DENND3: variants seen among roughly 807,000 people sequenced by gnomAD.
DENND3 encodes the protein DENN domain-containing protein 3.
Under a neutral mutation model 135.1 loss-of-function variants are expected in DENND3, and 88 were observed. The observed-to-expected ratio is 0.65, with a 90% confidence interval of 0.55 to 0.78. The LOEUF (loss-of-function observed/expected upper bound fraction) is 0.78. Ranked by LOEUF, DENND3 falls within the 30% of genes least tolerant of loss-of-function variation. The pLI is 0.00. For synonymous variants in DENND3, 693 were observed against 712.3 expected (o/e 0.97, Z 0.43); for missense variants, 1,392 against 1,688.4 (o/e 0.82, Z 3.08).
At chr8:141,189,195 G>A in intron 19 of DENND3, 49 bp downstream of exon 19, 2 of 1,612,252 alleles carry the variant, frequency 1.2e-6, no homozygotes, top group East Asian at 2.2e-5. Flanking sequence ...TTGTGGGTGG[G>A]CAGAAGGCAC....
In DENND3 at chr8:141,168,078, G is replaced by A. The variant is rs778334141; in HGVS notation, c.1828G>A (p.Val610Met). Residue 610 changes from valine to methionine, a missense_variant, in exon 13 of 23, where the codon GTG becomes ATG. Physicochemically the swap from Val to Met is conservative, Grantham distance 21 (BLOSUM62 1). Coordinates refer to ENST00000519811, the MANE Select transcript of DENND3 (RefSeq NM_001352890.3). The surrounding 1 kb of genome is among the most constrained non-coding windows in gnomAD (Gnocchi z 6.2). Reference protein sequence around the residue: ...EIHFPLESKCVQAYHAHFVSM... With the variant: ...EIHFPLESKCMQAYHAHFVSM... ...CCACTTTCCGCTGGAGAGCAAGTGC[G>A]TGCAGGCATACCATGCCCACTTTGT... 8.7e-6 allele frequency: 14 copies of A among 1,614,134 alleles called. No homozygotes were observed. Among genetic ancestry groups the A allele is most frequent in the East Asian group, 2.2e-5 (1 of 44,884 alleles).
At chr8:141,179,186 G>A (rs1327834448) in intron 16 of DENND3, among the ~76,000 whole-genome samples, 1 of 152,212 alleles carries the variant, frequency 6.6e-6, no homozygotes, top group Non-Finnish European at 1.5e-5. Flanking sequence ...GACCCAGAGG[G>A]ACCTTGAGCT....
In DENND3 at chr8:141,136,566, T is replaced by C; in HGVS notation, c.160T>C (p.Ser54Pro). ...LSALLDPEVL[S>P]IFVPPFISKE... is the part of the protein sequence containing the mutation. ...TGCTCTTCTTGATCCAGAGGTCCTG[T>C]CCATTTTCGTGCCTCCTTTTATCAG... The change falls in exon 2 of 23, where the codon TCC (serine) becomes CCC (proline). Residue 54 changes from serine to proline, a missense_variant. By Grantham distance (74) the Ser-to-Pro change is moderately conservative (BLOSUM62 -1). Transcript: ENST00000519811. The C allele has an allele frequency of 6.4e-7, 1 of 1,565,848 alleles. No individual in the cohort carries two copies. The highest frequency in any genetic ancestry group is 8.7e-7 in the Non-Finnish European group (1 of 1,154,904).
rs1823244584 is a variant in DENND3 at position 141,182,297 on chromosome 8, A to G, written c.2944+1443A>G. The G allele has an allele frequency of 1.0e-6, 1 of 985,120 alleles. No homozygotes were observed. The highest frequency in any genetic ancestry group is 1.7e-5 in the African/African-American group (1 of 57,262). The allele number at this position is 985,120 out of a possible 1,614,324, so 61.0% of individuals were successfully genotyped here. ...GTGTGTGAAGCGATTTCCCCATAAG[A>G]GAGTTTTTCTCTCTTCATGGCAGGC... On this transcript the variant is annotated intron_variant, in intron 17 of 22. Transcript: ENST00000519811. This position sits in a 1 kb window ranked among gnomAD's most constrained non-coding sequence, Gnocchi z 5.9.
intron 5 of DENND3, among the ~76,000 whole-genome samples, chr8:141,145,839 ATATATATATATG>A (rs1218452228): frequency 3.4e-5 from 1 of 29,702 alleles, no homozygotes; most frequent in Non-Finnish European, 5.4e-5. Context: ...ATATATATAT[ATATATATATATG>A]TATTTTTTTT....
rs376229948 is a variant in DENND3 at position 141,144,119 on chromosome 8, C to A, written c.624-29C>A. On this transcript the variant is annotated intron_variant, in intron 4 of 22. Coordinates refer to ENST00000519811, the MANE Select transcript of DENND3 (RefSeq NM_001352890.3). The surrounding 1 kb of genome is among the most constrained non-coding windows in gnomAD (Gnocchi z 4.4). Reference sequence around the variant, plus strand: ...CAACTGCGTTCTCATCTTTATTTTGCGGTTTGAGTTTTGTGTTTCGAATTT... The same window carrying A: ...CAACTGCGTTCTCATCTTTATTTTGAGGTTTGAGTTTTGTGTTTCGAATTT... 3.8e-6 allele frequency: 6 copies of A among 1,564,008 alleles called. No individual in the cohort carries two copies. The South Asian group carries it at 6.8e-5, about 18-fold the overall frequency.
chr8:141,175,438 T>A lies in DENND3; in HGVS notation c.2514T>A (p.Ile838=). 1 of 1,614,124 alleles carries A rather than the reference T, an allele frequency of 6.2e-7. No homozygotes were observed. The highest frequency in any genetic ancestry group is 1.1e-5 in the South Asian group (1 of 91,080). The change falls in exon 14 of 23, where the codon ATT becomes ATA. Residue 838 remains isoleucine (I), a synonymous_variant. Coordinates refer to ENST00000519811, the MANE Select transcript of DENND3 (RefSeq NM_001352890.3). This position sits in a 1 kb window ranked among gnomAD's most constrained non-coding sequence, Gnocchi z 5.4. ...AAGGAAGGCCAGGCTACTTGGAGATTTCCACCTTCAGAAATATAGAGGTAA... is the reference window on the plus strand; with the variant it reads ...AAGGAAGGCCAGGCTACTTGGAGATATCCACCTTCAGAAATATAGAGGTAA... ...LTEGRPGYLE[I]STFRNIEEVR...
At chr8:141,134,684 A>C (rs1816561401) in intron 1 of DENND3, among the ~76,000 whole-genome samples, 1 of 152,232 alleles carries the variant, frequency 6.6e-6, no homozygotes, top group Non-Finnish European at 1.5e-5. Flanking sequence ...TATAGAGATC[A>C]GAGTGTGCTT....
chr8:141,164,439 C>A (rs1314356202), intron 10 of DENND3, among the ~76,000 whole-genome samples: 3 of 152,176 alleles, frequency 2.0e-5, no homozygotes, highest in Non-Finnish European at 4.4e-5. Context: ...AACAGCCTTT[C>A]TCTAGGGTTG....
intron 20 of DENND3, 78 bp downstream of exon 20, chr8:141,190,495 G>C: frequency 2.7e-6 from 4 of 1,469,422 alleles, no homozygotes; most frequent in Non-Finnish European, 3.6e-6. Flanking sequence ...AGAGCAGAAA[G>C]CCTCTTTCCT....
chr8:141,158,241 A>T, intron 8 of DENND3: 2 of 1,289,474 alleles, frequency 1.6e-6, no homozygotes, highest in Non-Finnish European at 2.0e-6. Context: ...CTCTGCGCGA[A>T]CTTTGAAGGA....
intron 1 of DENND3, among the ~76,000 whole-genome samples, chr8:141,132,117 A>G (rs1816188060): frequency 6.6e-6 from 1 of 152,200 alleles, no homozygotes; most frequent in South Asian, 2.1e-4. Context: ...TGATATTGTG[A>G]TACTGTACGG....
chr8:141,190,426 G>T lies in DENND3; in HGVS notation c.3379+9G>T. 2 of 1,602,742 alleles carry T rather than the reference G, an allele frequency of 1.2e-6. No homozygotes were observed. The highest frequency in any genetic ancestry group is 1.7e-6 in the Non-Finnish European group (2 of 1,175,604). On this transcript the variant is annotated intron_variant, in intron 20 of 22. Coordinates refer to ENST00000519811, the MANE Select transcript of DENND3 (RefSeq NM_001352890.3). ...CGGCCGCCTGTGGTGCTGTAAGTCCGGCCCCTGCCATCAGAGCGGGCACCC... is the reference window on the plus strand; with the variant it reads ...CGGCCGCCTGTGGTGCTGTAAGTCCTGCCCCTGCCATCAGAGCGGGCACCC...
At position 141,175,275 on chromosome 8, in the gene DENND3, A is replaced by G. The variant is rs776232874; in HGVS notation, c.2351A>G (p.Gln784Arg). The stretch of plus-strand genomic sequence containing the variant: ...TGGAAGGAGACGGAAGCAGAAGCCC[A>G]GGAGGTCAGTCTGCCGTGGCTGGTG... Reference protein sequence around the residue: ...NCWKETEAEAQEVSLPWLVME... With the variant: ...NCWKETEAEAREVSLPWLVME... The change falls in exon 14 of 23, where the codon CAG (glutamine) becomes CGG (arginine). Residue 784 changes from glutamine to arginine, a missense_variant. By Grantham distance (43) the Gln-to-Arg change is conservative (BLOSUM62 1). Coordinates refer to ENST00000519811, the MANE Select transcript of DENND3 (RefSeq NM_001352890.3). The surrounding 1 kb of genome is among the most constrained non-coding windows in gnomAD (Gnocchi z 5.4). 2.4e-5 allele frequency: 38 copies of G among 1,614,130 alleles called. No individual in the cohort carries two copies. Among genetic ancestry groups the G allele is most frequent in the Non-Finnish European group, 3.2e-5 (38 of 1,180,048 alleles).
rs759256560 is a variant in DENND3 at position 141,138,859 on chromosome 8, G to C, written c.501+722G>C. 6.6e-6 allele frequency among the ~76,000 whole-genome samples: 1 copy of C among 152,200 alleles called. No homozygotes were observed. Among genetic ancestry groups the C allele is most frequent in the Non-Finnish European group, 1.5e-5 (1 of 68,042 alleles). ...CTTTTATGGCGAGTGACATTCCATC[G>C]TTTGGATGGACCACATTTTATTTCT... On this transcript the variant is annotated intron_variant, in intron 3 of 22. Coordinates refer to ENST00000519811, the MANE Select transcript of DENND3 (RefSeq NM_001352890.3). The surrounding 1 kb of genome is among the most constrained non-coding windows in gnomAD (Gnocchi z 4.8).
At position 141,130,803 on chromosome 8, in the gene DENND3, C is replaced by T. The variant is rs1815974664; in HGVS notation, c.102+1994C>T. ...CTGAGTTCAAGCAATTCTCCTGCCT[C>T]AGCCTCCTAAGTAGCTGGGATTACA... is the stretch of plus-strand genomic sequence containing the variant. On this transcript the variant is annotated intron_variant, in intron 1 of 22. Coordinates refer to ENST00000519811, the MANE Select transcript of DENND3 (RefSeq NM_001352890.3). The surrounding 1 kb of genome is among the most constrained non-coding windows in gnomAD (Gnocchi z 4.2). Among the ~76,000 whole-genome samples the T allele has an allele frequency of 6.6e-6, 1 of 151,906 alleles. No individual in the cohort carries two copies. Among genetic ancestry groups the T allele is most frequent in the African/African-American group, 2.4e-5 (1 of 41,288 alleles).
chr8:141,188,949 C>G lies in DENND3; in HGVS notation c.3085-37C>G, dbSNP rs771972601. On this transcript the variant is annotated intron_variant, in intron 18 of 22. Transcript: ENST00000519811. ...GAATATGACTTCACCAGTATCGAGA[C>G]TGACTGATTTCTCACGTTCCCGTGG... 28 of 1,603,792 alleles carry G rather than the reference C, an allele frequency of 1.7e-5. No individual in the cohort carries two copies. In the Admixed American group the frequency reaches 4.9e-4, roughly 28 times the overall value.
intron 7 of DENND3, among the ~76,000 whole-genome samples, chr8:141,152,532 TC>T (rs1273476426): frequency 1.3e-5 from 2 of 152,194 alleles, no homozygotes; most frequent in African/African-American, 4.8e-5. Context: ...GCTTTGAGAC[TC>T]CTCCACGTGG....
At chr8:141,155,209 C>T (rs1819295340) in intron 7 of DENND3, among the ~76,000 whole-genome samples, 2 of 152,022 alleles carry the variant, frequency 1.3e-5, no homozygotes, top group African/African-American at 4.8e-5. Context: ...TGCACAACCA[C>T]TCGAATGCAC....
Sources: gnomAD v4.1 joint callset for allele counts (sites outside exome capture counted in the v4.1 genomes callset) on GRCh38, gnomAD v4.1.1 for gene constraint, Gnocchi (gnomAD v3.1) non-coding constraint, MANE v1.5 for transcripts, NCBI Gene and HGNC (gene_info 2026-07-23, HGNC 2026-07-21) for gene names.